Variants in KIAA1671 observed in about 807,000 individuals in gnomAD.
KIAA1671 encodes KIAA1671.
Under a neutral mutation model 131.2 loss-of-function variants are expected in KIAA1671, and 52 were observed. That is an observed-to-expected ratio of 0.40 (90% CI 0.32 to 0.50). The LOEUF is 0.50. Among genes scored for constraint, KIAA1671 ranks in the 20% least tolerant of loss-of-function variants. The pLI is 0.73. For synonymous variants in KIAA1671, 1,003 were observed against 961.6 expected, an observed-to-expected ratio of 1.04 and a Z score of -0.80; for missense variants, 2,360 against 2,364.2, an observed-to-expected ratio of 1.00 and a Z score of 0.04.
At chr22:24,983,245 G>C (rs904142962) in intron 1 of KIAA1671, among the ~76,000 whole-genome samples, 2 of 152,172 alleles carry the variant, frequency 1.3e-5, no homozygotes, top group Non-Finnish European at 2.9e-5. Flanking sequence ...ACAGCACTGT[G>C]TTTTCCGACT....
In KIAA1671 at chr22:25,039,919, C is replaced by T. The variant is rs112587316; in HGVS notation, c.2789C>T (p.Pro930Leu). 6.7e-3 allele frequency: 10,363 copies of T among 1,551,594 alleles called. 49 individuals are homozygous for T. The highest frequency in any genetic ancestry group is 8.2e-3 in the Non-Finnish European group (9,406 of 1,146,982). Residue 930 changes from proline to leucine, a missense_variant, in exon 5 of 13, where the codon CCT (proline) becomes CTT (leucine). Physicochemically the swap from Pro to Leu is moderately conservative, Grantham distance 98. This residue lies in a region of KIAA1671 where 1,161 missense variants were observed against 1,204.7 expected (regional missense o/e 0.96). Transcript: ENST00000358431. Reference sequence around the variant, plus strand: ...CCAGGGCCGGCCCAGGTGCCACAGCCTGCAGTCAGAATGCGGAAAGCCGGC... The same window carrying T: ...CCAGGGCCGGCCCAGGTGCCACAGCTTGCAGTCAGAATGCGGAAAGCCGGC... ...GDPGPAQVPQ[P>L]AVRMRKAGAM...
At chr22:25,026,232 A>G (rs1925935730) in intron 2 of KIAA1671, among the ~76,000 whole-genome samples, 1 of 152,040 alleles carries the variant, frequency 6.6e-6, no homozygotes, top group Admixed American at 6.6e-5. Flanking sequence ...CCGGGGGAGC[A>G]GTGTGGGGCC....
intron 11 of KIAA1671, among the ~76,000 whole-genome samples, chr22:25,189,694 A>C (rs1007206431): frequency 6.6e-6 from 1 of 152,222 alleles, no homozygotes; most frequent in Non-Finnish European, 1.5e-5. Flanking sequence ...ACTTACCTGG[A>C]TAGAGAGATG....
chr22:25,026,730 CAA>C (rs1226313518), intron 2 of KIAA1671, among the ~76,000 whole-genome samples: 6 of 132,518 alleles, frequency 4.5e-5, no homozygotes, highest in Non-Finnish European at 3.3e-5. Flanking sequence ...AACTTGGTCT[CAA>C]AAAAAAAAAA....
At chr22:25,021,995 C>T (rs1458509196) in intron 1 of KIAA1671, among the ~76,000 whole-genome samples, 3 of 151,964 alleles carry the variant, frequency 2.0e-5, no homozygotes, top group Admixed American at 6.6e-5. Flanking sequence ...ACCGTGGTCT[C>T]GATCTCCTGA....
At chr22:25,156,267 C>T (rs1365385377) in intron 6 of KIAA1671, among the ~76,000 whole-genome samples, 2 of 151,682 alleles carry the variant, frequency 1.3e-5, no homozygotes, top group Admixed American at 1.3e-4. Context: ...CCTCGTGATC[C>T]GCCCTCCTCG....
intron 6 of KIAA1671, among the ~76,000 whole-genome samples, chr22:25,123,073 T>TG (rs1932020120): frequency 6.6e-6 from 1 of 152,076 alleles, no homozygotes; most frequent in South Asian, 2.1e-4. Context: ...GCCTCTAAGG[T>TG]GGTCCTCTCA....
chr22:25,181,718 G>T lies in KIAA1671; in HGVS notation c.5094G>T (p.Lys1698Asn). 6.4e-7 allele frequency: 1 copy of T among 1,551,644 alleles called. No individual in the cohort carries two copies. The highest frequency in any genetic ancestry group is 8.7e-7 in the Non-Finnish European group (1 of 1,146,966). ...CAACAGAGGAGAAATCACCCAGGAA[G>T]GAGGAGTCGGATGAGGAGGAGACGG... Reference protein sequence around the residue: ...KDSTEEKSPRKEESDEEETAS... With the variant: ...KDSTEEKSPRNEESDEEETAS... The change falls in exon 10 of 13, where the codon AAG (lysine) becomes AAT (asparagine). Residue 1698 changes from lysine (K) to asparagine (N), a missense_variant. Lys to Asn is a moderately conservative substitution (Grantham distance 94). This residue lies in a region of KIAA1671 where 1,161 missense variants were observed against 1,204.7 expected (regional missense o/e 0.96). Coordinates refer to ENST00000358431, the MANE Select transcript of KIAA1671 (RefSeq NM_001145206.2).
intron 6 of KIAA1671, among the ~76,000 whole-genome samples, chr22:25,168,738 A>G (rs1176137486): frequency 1.3e-5 from 2 of 152,038 alleles, no homozygotes; most frequent in African/African-American, 4.8e-5. Context: ...CATGGGTTGC[A>G]ATAGCTTTGT....
intron 6 of KIAA1671, among the ~76,000 whole-genome samples, chr22:25,113,762 G>A (rs1409458299): frequency 6.6e-6 from 1 of 152,212 alleles, no homozygotes; most frequent in African/African-American, 2.4e-5. Context: ...ACAAATTAGT[G>A]GGGCTTGGAT....
chr22:25,039,836 T>A lies in KIAA1671; in HGVS notation c.2706T>A (p.His902Gln). ...CTTCTGACTCCCAAGCACGAACACATCCAGATGCATTTGCTGTGCAGAAAG... is the reference window on the plus strand; with the variant it reads ...CTTCTGACTCCCAAGCACGAACACAACCAGATGCATTTGCTGTGCAGAAAG... ...NGPSDSQART[H>Q]PDAFAVQKGP... is the part of the protein sequence containing the mutation. Residue 902 changes from histidine to glutamine, a missense_variant, in exon 5 of 13, where the codon CAT becomes CAA. Physicochemically the swap from His to Gln is conservative, Grantham distance 24. Transcript: ENST00000358431. The A allele has an allele frequency of 6.5e-7, 1 of 1,547,590 alleles. No individual in the cohort carries two copies. The highest frequency in any genetic ancestry group is 8.7e-7 in the Non-Finnish European group (1 of 1,144,652).
At chr22:25,029,650 T>C (rs1483192506) in intron 3 of KIAA1671, 110 bp downstream of exon 3, 5 of 781,408 alleles carry the variant, frequency 6.4e-6, no homozygotes, top group Non-Finnish European at 9.9e-6. Context: ...AGTTTACCCA[T>C]AGCCCAAGAG....
At chr22:25,029,687 G>A in intron 3 of KIAA1671, 147 bp downstream of exon 3, 2 of 672,840 alleles carry the variant, frequency 3.0e-6, no homozygotes, top group Non-Finnish European at 4.8e-6. Context: ...CCATTTCTCA[G>A]ATGAGAAAGG....
chr22:25,151,315 A>G (rs971361954), intron 6 of KIAA1671, among the ~76,000 whole-genome samples: 28 of 148,252 alleles, frequency 1.9e-4, no homozygotes, highest in African/African-American at 7.0e-4. Context: ...ACATATATGC[A>G]TATATAATAA....
intron 1 of KIAA1671, among the ~76,000 whole-genome samples, chr22:24,966,100 C>T (rs5752026): frequency 0.42 from 64,566 of 152,042 alleles, 15,932 homozygotes; most frequent in East Asian, 0.75. Context: ...TATTAATACA[C>T]GAGAATCTCA....
Position 24,954,787 on chromosome 22 carries a change from A to G in KIAA1671, c.-208+2015A>G, listed in dbSNP as rs529131482. ...CGTTTGTTTTGTTTTGTTTTGTTTT[A>G]TTTTGTTTTTTGAGATGGAGTCTCG... is the stretch of plus-strand genomic sequence containing the variant. On this transcript the variant is annotated intron_variant, in intron 1 of 12. Coordinates refer to ENST00000358431, the MANE Select transcript of KIAA1671 (RefSeq NM_001145206.2). Among the ~76,000 whole-genome samples, 311 of 151,380 alleles carry G rather than the reference A, an allele frequency of 2.1e-3. 2 individuals are homozygous for G. The highest frequency in any genetic ancestry group is 2.2e-3 in the Non-Finnish European group (148 of 67,794).
chr22:25,093,928 T>TGGTTTGCA (rs1348052929), intron 6 of KIAA1671, among the ~76,000 whole-genome samples: 3 of 149,414 alleles, frequency 2.0e-5, no homozygotes, highest in Admixed American at 2.0e-4. Flanking sequence ...ACAGTGATGC[T>TGGTTTGCA]GGTTTGCAGG....
At chr22:24,974,133 G>A (rs999506961) in intron 1 of KIAA1671, among the ~76,000 whole-genome samples, 4 of 152,134 alleles carry the variant, frequency 2.6e-5, no homozygotes, top group Admixed American at 6.6e-5. Context: ...TTTATCAGCC[G>A]GACTTGGGTC....
chr22:25,108,506 T>C (rs1931148411), intron 6 of KIAA1671, among the ~76,000 whole-genome samples: 1 of 152,058 alleles, frequency 6.6e-6, no homozygotes, highest in Non-Finnish European at 1.5e-5. Context: ...TGGACAAACT[T>C]TGGAGGCCCA....
Sources: gnomAD v4.1 joint callset for allele counts (sites outside exome capture counted in the v4.1 genomes callset) on GRCh38, gnomAD v4.1.1 for gene constraint, gnomAD v4.1.1 regional missense constraint, MANE v1.5 for transcripts, NCBI Gene and HGNC (gene_info 2026-07-23, HGNC 2026-07-21) for gene names.